TET1: variants seen among roughly 807,000 people sequenced by gnomAD.
TET1 encodes tet methylcytosine dioxygenase 1.
In TET1, 13 loss-of-function variants were observed where a neutral mutation model predicts 148.7. The ratio of observed to expected loss-of-function variants is 0.09; its 90% CI spans 0.06 to 0.14. The LOEUF (loss-of-function observed/expected upper bound fraction) is 0.14, where lower values mean the gene tolerates loss of function less well. TET1 is among the 10% of genes least tolerant of loss of function. The pLI is 1.00. For synonymous variants in TET1, 907 were observed against 937.2 expected, an observed-to-expected ratio of 0.97 and a Z score of 0.59; for missense variants, 2,182 against 2,553.8, an observed-to-expected ratio of 0.85 and a Z score of 3.14.
chr10:68,609,295 G>A (rs1421095914), intron 3 of TET1, among the ~76,000 whole-genome samples: 3 of 152,168 alleles, frequency 2.0e-5, no homozygotes, highest in African/African-American at 7.2e-5. Context: ...CCTAGTGGTT[G>A]GGATTACAGG....
At position 68,632,737 on chromosome 10, in the gene TET1, A is replaced by G. The variant is rs187621787; in HGVS notation, c.1969-11961A>G. 1,237 of 1,601,030 alleles carry G rather than the reference A, an allele frequency of 7.7e-4. 5 individuals are homozygous for G. The African/African-American group carries it at 0.015, about 20-fold the overall frequency. ...CGGCAGCAGCAATTGAACAATCTTG[A>G]GCATAGAAAAGAAGTCAATGTAAAC... On this transcript the variant is annotated intron_variant, in intron 3 of 11. Transcript: ENST00000373644.
At chr10:68,566,087 T>C (rs1223262845) in intron 1 of TET1, among the ~76,000 whole-genome samples, 1 of 152,170 alleles carries the variant, frequency 6.6e-6, no homozygotes, top group Non-Finnish European at 1.5e-5. Context: ...TTTAAAAATA[T>C]GAAAGAATAT....
At chr10:68,595,129 G>A (rs2053963250) in intron 2 of TET1, among the ~76,000 whole-genome samples, 1 of 150,096 alleles carries the variant, frequency 6.7e-6, no homozygotes, top group Admixed American at 6.7e-5. Context: ...CTCCAGTCTG[G>A]GGAAGAGAGT....
intron 3 of TET1, among the ~76,000 whole-genome samples, chr10:68,611,559 A>G (rs975379484): frequency 1.3e-5 from 2 of 152,032 alleles, no homozygotes; most frequent in Non-Finnish European, 2.9e-5. Flanking sequence ...GGCTAGGGTG[A>G]GAGGATCATT....
chr10:68,613,381 G>C (rs1013051571), intron 3 of TET1, among the ~76,000 whole-genome samples: 26 of 152,186 alleles, frequency 1.7e-4, no homozygotes, highest in African/African-American at 5.8e-4. Flanking sequence ...ATTTCAGTAA[G>C]TTTCAGGTAG....
chr10:68,565,900 G>A (rs1192692233), intron 1 of TET1, among the ~76,000 whole-genome samples: 3 of 152,130 alleles, frequency 2.0e-5, no homozygotes, highest in Non-Finnish European at 2.9e-5. Flanking sequence ...TTTTTCAGGG[G>A]TCATTGGCCT....
intron 3 of TET1, among the ~76,000 whole-genome samples, chr10:68,617,250 T>A (rs2054306875): frequency 6.6e-6 from 1 of 150,462 alleles, no homozygotes; most frequent in Non-Finnish European, 1.5e-5. Context: ...GGTCTCGATC[T>A]CCTGACCTCG....
chr10:68,605,526 T>G (rs1000281572), intron 3 of TET1, among the ~76,000 whole-genome samples: 5 of 152,188 alleles, frequency 3.3e-5, no homozygotes, highest in Non-Finnish European at 7.3e-5. Flanking sequence ...ATTTACTTAT[T>G]TATTTGAGAC....
At chr10:68,585,393 C>T (rs2053849891) in intron 2 of TET1, among the ~76,000 whole-genome samples, 1 of 152,224 alleles carries the variant, frequency 6.6e-6, no homozygotes, top group South Asian at 2.1e-4. Flanking sequence ...CTCAGCTTCC[C>T]AACGTGCTGG....
At chr10:68,569,173 T>TTTTTTC (rs1564946118) in intron 1 of TET1, among the ~76,000 whole-genome samples, 1 of 135,948 alleles carries the variant, frequency 7.4e-6, no homozygotes, top group African/African-American at 2.8e-5. Flanking sequence ...TTTCTTTTTT[T>TTTTTTC]TTTTTTTTTT....
At chr10:68,686,203 A>G (rs2055506029) in intron 10 of TET1, among the ~76,000 whole-genome samples, 153 bp from the exon 11 acceptor site, 1 of 152,228 alleles carries the variant, frequency 6.6e-6, no homozygotes, top group Non-Finnish European at 1.5e-5. Flanking sequence ...GGGTGGCTTG[A>G]TATAAAATAA....
intron 2 of TET1, among the ~76,000 whole-genome samples, chr10:68,593,926 T>TC (rs1270138577): frequency 2.4e-5 from 3 of 126,722 alleles, no homozygotes; most frequent in African/African-American, 8.7e-5. Flanking sequence ...TTTTTTTTTT[T>TC]TTTTTTTTTT....
intron 3 of TET1, among the ~76,000 whole-genome samples, chr10:68,613,766 G>A (rs747462750): frequency 1.3e-5 from 2 of 152,010 alleles, no homozygotes; most frequent in Non-Finnish European, 2.9e-5. Flanking sequence ...GTGAAACCCT[G>A]TCTCTACCTA....
In TET1 at chr10:68,646,158, G is replaced by T. The variant is rs1430579993; in HGVS notation, c.3429G>T (p.Lys1143Asn). The change falls in exon 4 of 12, where the codon AAG becomes AAT. Residue 1143 changes from lysine to asparagine, a missense_variant. Transcript: ENST00000373644. ...ATGGTTCATCATTAACAAAACAAAA[G>T]AACCCAACCCAGAAAAAGACAAAAT... ...NNHGSSLTKQ[K>N]NPTQKKTKST... 1.2e-6 allele frequency: 2 copies of T among 1,612,928 alleles called. No individual in the cohort carries two copies. The highest frequency in any genetic ancestry group is 1.7e-5 in the Admixed American group (1 of 59,740).
At chr10:68,615,146 T>A (rs1194377762) in intron 3 of TET1, among the ~76,000 whole-genome samples, 1 of 152,022 alleles carries the variant, frequency 6.6e-6, no homozygotes, top group Non-Finnish European at 1.5e-5. Context: ...TTGGCCAGGC[T>A]GGTCTCGAAC....
At chr10:68,577,219 G>C (rs982691348) in intron 2 of TET1, among the ~76,000 whole-genome samples, 3 of 149,452 alleles carry the variant, frequency 2.0e-5, no homozygotes, top group African/African-American at 4.9e-5. Context: ...CTTAATTTTT[G>C]TATTTTTAAT....
Position 68,690,689 on chromosome 10 carries a change from A to C in TET1, c.5405-119A>C, listed in dbSNP as rs1200282632. ...GAAATGAACAGAACAAAACCAACCA[A>C]CACAACATCAGCGTTTTCTTATATA... On this transcript the variant is annotated intron_variant, in intron 11 of 11. Coordinates refer to ENST00000373644, the MANE Select transcript of TET1 (RefSeq NM_030625.3). 1.1e-5 allele frequency: 11 copies of C among 966,432 alleles called. No individual in the cohort carries two copies. The East Asian group carries it at 2.9e-4, about 25-fold the overall frequency. The allele number at this position is 966,432 out of a possible 1,614,324, so 59.9% of individuals were successfully genotyped here.
At position 68,692,649 on chromosome 10, in the gene TET1, ATAG is replaced by A. The variant is rs2055608994; in HGVS notation, c.*837_*839del. 1 of 231,896 alleles carries A rather than the reference ATAG, an allele frequency of 4.3e-6. No individual in the cohort carries two copies. 14.4% of individuals were successfully genotyped at this position (231,896 alleles called of 1,614,324 possible). On this transcript the variant is annotated 3_prime_UTR_variant, in exon 12 of 12. Transcript: ENST00000373644. ...GTATTAGCAACTTGCAGTATATAAA[ATAG>A]TTAGATAATGAGAAGTTGTTAATTA...
At chr10:68,560,969 G>A (rs2053545487) in intron 1 of TET1, among the ~76,000 whole-genome samples, 1 of 152,228 alleles carries the variant, frequency 6.6e-6, no homozygotes, top group Non-Finnish European at 1.5e-5. Context: ...GCCCCCGGCC[G>A]GAGGTATCGG....
Sources: gnomAD v4.1 joint callset for allele counts (sites outside exome capture counted in the v4.1 genomes callset) on GRCh38, gnomAD v4.1.1 for gene constraint, MANE v1.5 for transcripts, NCBI Gene and HGNC (gene_info 2026-07-23, HGNC 2026-07-21) for gene names.